MELK: variants seen among roughly 807,000 people sequenced by gnomAD.
The protein encoded by MELK is pEg3 kinase.
Under a neutral mutation model 85.0 loss-of-function variants are expected in MELK, and 81 were observed. The ratio of observed to expected loss-of-function variants is 0.95; its 90% CI spans 0.80 to 1.15. The LOEUF (loss-of-function observed/expected upper bound fraction) is 1.15. Ranked by LOEUF, MELK falls within the 50% of genes most tolerant of loss-of-function variation. The pLI, the probability that MELK is intolerant of heterozygous loss-of-function variation, is 0.00. For missense variants in MELK, 754 were observed against 777.5 expected, an observed-to-expected ratio of 0.97 and a Z score of 0.36; for synonymous variants, 252 against 265.0, an observed-to-expected ratio of 0.95 and a Z score of 0.48.
chr9:36,594,554 A>C, intron 4 of MELK, 74 bp from the exon 5 acceptor site: 1 of 1,519,144 alleles, frequency 6.6e-7, no homozygotes, highest in African/African-American at 1.4e-5. Context: ...AGTTAAGTGT[A>C]CTTTTTTATT....
At position 36,596,549 on chromosome 9, in the gene MELK, G is replaced by T. The variant is rs1045587939; in HGVS notation, c.406-673G>T. ...TGGGATTACAGGCGTGAGCCACTGC[G>T]CCCGGCCCTTTTTGTTTTTTTTGTT... On this transcript the variant is annotated intron_variant, in intron 5 of 17. Coordinates refer to ENST00000298048, the MANE Select transcript of MELK (RefSeq NM_014791.4). Among the ~76,000 whole-genome samples the T allele has an allele frequency of 3.3e-4, 50 of 150,270 alleles. 1 individual carries two copies. The highest frequency in any genetic ancestry group is 1.2e-3 in the African/African-American group (47 of 40,396).
At chr9:36,580,511 G>C (rs1330875533) in intron 1 of MELK, among the ~76,000 whole-genome samples, 1 of 151,674 alleles carries the variant, frequency 6.6e-6, no homozygotes, top group African/African-American at 2.4e-5. Flanking sequence ...GTAGAGACGG[G>C]TTTCGTCATG....
rs1825690563 is a variant in MELK, at chr9:36,607,667, G to T, written c.660G>T (p.Lys220Asn). ...DDDNVMALYK[K>N]IMRGKYDVPK... Reference sequence around the variant, plus strand: ...ATAATGTAATGGCTTTATACAAGAAGATTATGGTGAGTATTACAAGGCATA... The same window carrying T: ...ATAATGTAATGGCTTTATACAAGAATATTATGGTGAGTATTACAAGGCATA... Residue 220 changes from lysine to asparagine, a missense_variant, in exon 8 of 18, where the codon AAG becomes AAT. Physicochemically the swap from Lys to Asn is moderately conservative, Grantham distance 94 (BLOSUM62 0). Coordinates refer to ENST00000298048, the MANE Select transcript of MELK (RefSeq NM_014791.4). 1.3e-6 allele frequency: 2 copies of T among 1,588,916 alleles called. No individual in the cohort carries two copies. The highest frequency in any genetic ancestry group is 1.7e-6 in the Non-Finnish European group (2 of 1,157,346).
intron 8 of MELK, among the ~76,000 whole-genome samples, chr9:36,624,145 G>A (rs1228063875): frequency 5.3e-5 from 8 of 149,796 alleles, no homozygotes; most frequent in Non-Finnish European, 8.9e-5. Flanking sequence ...GTGCAGTGGC[G>A]TGATCTCGGC....
At chr9:36,655,280 C>G (rs913093343) in intron 12 of MELK, among the ~76,000 whole-genome samples, 1 of 152,146 alleles carries the variant, frequency 6.6e-6, no homozygotes, top group Non-Finnish European at 1.5e-5. Flanking sequence ...CAGGAATGAT[C>G]ACCATGGGAT....
At chr9:36,628,944 G>T (rs147136748) in intron 8 of MELK, among the ~76,000 whole-genome samples, 56 of 143,186 alleles carry the variant, frequency 3.9e-4, no homozygotes, top group Non-Finnish European at 7.8e-4. Context: ...TGGGCTCACC[G>T]CAACCTCCGC....
At chr9:36,641,764 C>T (rs962073197) in intron 10 of MELK, among the ~76,000 whole-genome samples, 8 of 152,052 alleles carry the variant, frequency 5.3e-5, no homozygotes, top group Admixed American at 1.3e-4. Flanking sequence ...TGCACCACCA[C>T]GCCTGGCTAA....
Position 36,619,053 on chromosome 9 carries a change from G to A in MELK, c.667-11246G>A, listed in dbSNP as rs1379594749. The stretch of plus-strand genomic sequence containing the variant: ...AGCTCACTGCAACCTCCGCCTCCCA[G>A]GTTCAAGCAATTCTCCTGCCTCAGC... On this transcript the variant is annotated intron_variant, in intron 8 of 17. Transcript: ENST00000298048. Among the ~76,000 whole-genome samples the A allele has an allele frequency of 2.6e-5, 4 of 151,400 alleles. No individual in the cohort carries two copies. The South Asian group carries it at 8.3e-4, about 31-fold the overall frequency.
chr9:36,639,818 G>T (rs1829587448), intron 10 of MELK, among the ~76,000 whole-genome samples: 1 of 152,192 alleles, frequency 6.6e-6, no homozygotes, highest in Non-Finnish European at 1.5e-5. Flanking sequence ...GGTACAGGCA[G>T]GAGGCTGCGG....
intron 1 of MELK, among the ~76,000 whole-genome samples, chr9:36,577,911 C>A (rs1230115114): frequency 6.6e-6 from 1 of 152,110 alleles, no homozygotes; most frequent in East Asian, 1.9e-4. Context: ...CCTCAGCCTC[C>A]CAAAGTGCCG....
chr9:36,631,982 T>G lies in MELK; in HGVS notation c.736-1120T>G, dbSNP rs73439111. Among the ~76,000 whole-genome samples the G allele has an allele frequency of 7.0e-3, 1,068 of 152,286 alleles. 14 individuals are homozygous for G. Among genetic ancestry groups the G allele is most frequent in the African/African-American group, 0.025 (1,034 of 41,544 alleles). On this transcript the variant is annotated intron_variant, in intron 9 of 17. Transcript: ENST00000298048. Reference sequence around the variant, plus strand: ...CCGCCTTTTCCCAACTCTTGCTCATTAAGTATGTTAGTAGATACTGAATAA... The same window carrying G: ...CCGCCTTTTCCCAACTCTTGCTCATGAAGTATGTTAGTAGATACTGAATAA...
At chr9:36,660,486 T>A (rs1386863567) in intron 13 of MELK, among the ~76,000 whole-genome samples, 1 of 151,994 alleles carries the variant, frequency 6.6e-6, no homozygotes, top group East Asian at 2.0e-4. Flanking sequence ...CCCAGCTAAT[T>A]TTTACAAAAT....
chr9:36,582,406 A>G (rs1822344051), intron 2 of MELK, among the ~76,000 whole-genome samples: 1 of 152,204 alleles, frequency 6.6e-6, no homozygotes, highest in Admixed American at 6.6e-5. Flanking sequence ...GCAAGAGCAG[A>G]GGCAGGGAGA....
In MELK at chr9:36,581,746, G is replaced by T. The variant is rs767100838; in HGVS notation, c.58+7G>T. The T allele has an allele frequency of 6.3e-7, 1 of 1,584,332 alleles. No individual in the cohort carries two copies. Among genetic ancestry groups the T allele is most frequent in the South Asian group, 1.1e-5 (1 of 90,014 alleles). The stretch of plus-strand genomic sequence containing the variant: ...CATGAAACTATTGGGACAGGTAATT[G>T]TTATTTTTTTTTGGAGGCAGTGGAT... On this transcript the variant is annotated splice_region_variant and intron_variant, in intron 2 of 17. Transcript: ENST00000298048.
Position 36,657,381 on chromosome 9 carries a change from C to A in MELK, c.1176+18C>A, listed in dbSNP as rs902165402. On this transcript the variant is annotated intron_variant, in intron 13 of 17. Transcript: ENST00000298048. ...CATCACAGGTTCGTCATTCTTATTA[C>A]TATTTAAGGCAGAATCTATTGTTTC... 2 of 1,583,272 alleles carry A rather than the reference C, an allele frequency of 1.3e-6. No individual in the cohort carries two copies.
chr9:36,573,567 G>A (rs1445440177), intron 1 of MELK, among the ~76,000 whole-genome samples: 1 of 152,166 alleles, frequency 6.6e-6, no homozygotes, highest in Middle Eastern at 3.4e-3. Flanking sequence ...GTGCAATGGC[G>A]CGATCTCGGC....
rs187059979 is a variant in MELK, at chr9:36,644,100, C to T, written c.921+1017C>T. ...TCACCTGAAAGCAACAGCAGCGTCA[C>T]GTCACCCCTAAGTGGACAAACCAAA... On this transcript the variant is annotated intron_variant, in intron 11 of 17. Coordinates refer to ENST00000298048, the MANE Select transcript of MELK (RefSeq NM_014791.4). Among the ~76,000 whole-genome samples the T allele has an allele frequency of 1.1e-3, 168 of 152,276 alleles. 2 individuals carry two copies. The highest frequency in any genetic ancestry group is 9.9e-3 in the Admixed American group (151 of 15,282).
At chr9:36,583,223 T>G (rs1822440155) in intron 2 of MELK, among the ~76,000 whole-genome samples, 1 of 152,106 alleles carries the variant, frequency 6.6e-6, no homozygotes, top group Non-Finnish European at 1.5e-5. Flanking sequence ...TCCGCCCGCC[T>G]CGGTCTCCCA....
intron 16 of MELK, among the ~76,000 whole-genome samples, chr9:36,672,559 G>A (rs974228898): frequency 6.6e-6 from 1 of 152,190 alleles, no homozygotes; most frequent in African/African-American, 2.4e-5. Context: ...CTTCCAGAAT[G>A]TAGGAGAAAA....
Sources: gnomAD v4.1 joint callset for allele counts (sites outside exome capture counted in the v4.1 genomes callset) on GRCh38, gnomAD v4.1.1 for gene constraint, MANE v1.5 for transcripts, NCBI Gene and HGNC (gene_info 2026-07-23, HGNC 2026-07-21) for gene names.